Variants in ARHGEF33 observed in about 807,000 individuals in gnomAD.
The protein encoded by ARHGEF33 is DH and coiled-coil domain-containing protein ENSP00000381780.
A neutral mutation model predicts 101.9 loss-of-function variants in ARHGEF33; 72 were observed. The observed-to-expected ratio is 0.71, with a 90% CI of 0.58 to 0.86. ARHGEF33 has a LOEUF of 0.86. ARHGEF33 is among the 40% of genes least tolerant of loss of function. The probability of loss-of-function intolerance (pLI) is 0.00; values close to 1 mark genes in which losing one functional copy is unlikely to be tolerated. For synonymous variants in ARHGEF33, 499 were observed against 442.5 expected (o/e 1.13, Z -1.60); for missense variants, 1,169 against 1,111.3 (o/e 1.05, Z -0.74).
intron 2 of ARHGEF33, among the ~76,000 whole-genome samples, chr2:38,917,603 G>C (rs1051037438): frequency 1.1e-4 from 16 of 151,996 alleles, no homozygotes; most frequent in Non-Finnish European, 2.2e-4. Context: ...ACCGAGGAGG[G>C]GAGTCGCTTG....
intron 16 of ARHGEF33, among the ~76,000 whole-genome samples, chr2:38,963,016 T>A (rs1273630385): frequency 9.6e-6 from 1 of 104,116 alleles, no homozygotes; most frequent in Non-Finnish European, 1.9e-5. Context: ...AGTGTGAGAC[T>A]CTGTCTCAAA....
chr2:38,913,587 CAACATGGCAAA>C (rs1666563280), intron 2 of ARHGEF33, among the ~76,000 whole-genome samples: 1 of 151,770 alleles, frequency 6.6e-6, no homozygotes, highest in Non-Finnish European at 1.5e-5. Flanking sequence ...CCAACCTGGC[CAACATGGCAAA>C]AACCCATCTA....
chr2:38,915,382 C>CTTTTTTTTT (rs35975491), intron 2 of ARHGEF33, among the ~76,000 whole-genome samples: 1 of 112,416 alleles, frequency 8.9e-6, no homozygotes, highest in Admixed American at 9.4e-5. Context: ...TTTTTATTGA[C>CTTTTTTTTT]TTTTTTTTTT....
intron 10 of ARHGEF33, among the ~76,000 whole-genome samples, chr2:38,945,406 C>T (rs898231064): frequency 6.6e-5 from 10 of 152,178 alleles, no homozygotes; most frequent in Non-Finnish European, 1.2e-4. Context: ...AGAGGTAAAC[C>T]AAATATGAAG....
intron 8 of ARHGEF33, among the ~76,000 whole-genome samples, chr2:38,936,549 A>G (rs1010677512): frequency 2.0e-5 from 3 of 152,258 alleles, no homozygotes. Context: ...AGTAAAGACT[A>G]TGTATAAAGC....
At chr2:38,927,164 A>T (rs1020884163) in intron 4 of ARHGEF33, among the ~76,000 whole-genome samples, 1 of 152,172 alleles carries the variant, frequency 6.6e-6, no homozygotes, top group African/African-American at 2.4e-5. Flanking sequence ...CCTCAAAATG[A>T]TCTCTCTGAT....
rs186191138 is a variant in ARHGEF33, at chr2:38,920,437, C to T, written c.26-937C>T. Among the ~76,000 whole-genome samples the T allele has an allele frequency of 1.2e-4, 12 of 103,026 alleles. No individual in the cohort carries two copies. In the East Asian group the frequency reaches 2.6e-3, roughly 22 times the overall value. 67.6% of individuals were successfully genotyped at this position (103,026 alleles called of 152,430 possible). A position where few individuals can be genotyped will look rare whatever the true frequency, so the allele number is the denominator to read the frequency against. On this transcript the variant is annotated intron_variant, in intron 3 of 17. Transcript: ENST00000409978. The stretch of plus-strand genomic sequence containing the variant: ...TTTTTTTTTTTTTGAGACAGAGTTT[C>T]GCTCTTGTCGCCCAGGCTGGAACGC...
chr2:38,921,437 G>A lies in ARHGEF33; in HGVS notation c.75+14G>A, dbSNP rs1572749020. 5.3e-6 allele frequency: 8 copies of A among 1,517,794 alleles called. No individual in the cohort carries two copies. Among genetic ancestry groups the A allele is most frequent in the East Asian group, 2.5e-5 (1 of 40,756 alleles). 94.0% of individuals were successfully genotyped at this position (1,517,794 alleles called of 1,614,324 possible). Reference sequence around the variant, plus strand: ...CAGATTTACCAGGTAAAGACAAATCGATTGTTTCAAATGCTCCCATGTATA... The same window carrying A: ...CAGATTTACCAGGTAAAGACAAATCAATTGTTTCAAATGCTCCCATGTATA... On this transcript the variant is annotated intron_variant, in intron 4 of 17. Transcript: ENST00000409978.
chr2:38,903,579 G>A (rs1364068137), intron 2 of ARHGEF33, among the ~76,000 whole-genome samples: 5 of 152,148 alleles, frequency 3.3e-5, no homozygotes, highest in African/African-American at 1.2e-4. Context: ...GCAAACACCA[G>A]GCAGTAAGGA....
intron 2 of ARHGEF33, among the ~76,000 whole-genome samples, chr2:38,897,002 G>A (rs1011388295): frequency 3.3e-5 from 5 of 152,004 alleles, no homozygotes; most frequent in East Asian, 1.9e-4. Context: ...TGCAACCTCC[G>A]CCTCCTGGGT....
At chr2:38,943,790 GGT>G (rs1572764403) in intron 9 of ARHGEF33, 109 bp from the exon 10 acceptor site, 1 of 1,075,264 alleles carries the variant, frequency 9.3e-7, no homozygotes, top group African/African-American at 1.9e-5. Context: ...ACTTGCAGAT[GGT>G]TTTTTTTTTA....
intron 2 of ARHGEF33, among the ~76,000 whole-genome samples, chr2:38,911,313 T>G (rs1403148346): frequency 6.6e-6 from 1 of 152,154 alleles, no homozygotes; most frequent in Non-Finnish European, 1.5e-5. Flanking sequence ...GCATAAAAAG[T>G]TCCCATTCTA....
intron 4 of ARHGEF33, among the ~76,000 whole-genome samples, chr2:38,927,294 T>C (rs1047182380): frequency 1.3e-5 from 2 of 152,206 alleles, no homozygotes; most frequent in Non-Finnish European, 2.9e-5. Context: ...GGAGGTGCCA[T>C]TGCAGGTGGG....
chr2:38,957,969 A>C, intron 14 of ARHGEF33, 65 bp from the exon 15 acceptor site: 1 of 1,515,572 alleles, frequency 6.6e-7, no homozygotes, highest in Non-Finnish European at 8.9e-7. Context: ...TTTTTGGCAT[A>C]ATATGTGTTC....
intron 2 of ARHGEF33, among the ~76,000 whole-genome samples, chr2:38,897,216 C>T (rs1040536459): frequency 6.6e-6 from 1 of 152,114 alleles, no homozygotes; most frequent in African/African-American, 2.4e-5. Context: ...ACCCAGCCAA[C>T]CCAGTGTACT....
intron 2 of ARHGEF33, among the ~76,000 whole-genome samples, chr2:38,903,357 G>A (rs561164800): frequency 6.6e-6 from 1 of 152,148 alleles, no homozygotes; most frequent in South Asian, 2.1e-4. Context: ...GCTAAAAAAT[G>A]TATAGGAAGA....
At chr2:38,898,037 C>T (rs184642415) in intron 2 of ARHGEF33, among the ~76,000 whole-genome samples, 3 of 152,180 alleles carry the variant, frequency 2.0e-5, no homozygotes, top group Admixed American at 1.3e-4. Flanking sequence ...TCAGGAGTCA[C>T]GGAACGATTT....
At chr2:38,965,955 A>G in intron 16 of ARHGEF33, 51 bp from the exon 17 acceptor site, 1 of 1,544,802 alleles carries the variant, frequency 6.5e-7, no homozygotes, top group Non-Finnish European at 8.7e-7. Flanking sequence ...GTCAGGATCC[A>G]TAATAACATT....
At chr2:38,964,292 G>C (rs1182501890) in intron 16 of ARHGEF33, among the ~76,000 whole-genome samples, 1 of 151,958 alleles carries the variant, frequency 6.6e-6, no homozygotes, top group Non-Finnish European at 1.5e-5. Context: ...CTACTTTTAA[G>C]GCCACCAGAT....
Sources: allele counts gnomAD v4.1 joint callset (sites outside exome capture counted in the v4.1 genomes callset), GRCh38; gene constraint gnomAD v4.1.1; transcripts MANE v1.5; gene names NCBI Gene and HGNC (gene_info 2026-07-23, HGNC 2026-07-21).